The following SYTL5 variants were observed in gnomAD, a reference collection of about 807,000 sequenced individuals.
SYTL5 encodes synaptotagmin-like protein 5.
Under a neutral mutation model 55.9 loss-of-function variants are expected in SYTL5, and 34 were observed. That is an observed-to-expected ratio of 0.61 (90% confidence interval 0.46 to 0.81). SYTL5 has a LOEUF of 0.81. SYTL5 is among the 30% of genes least tolerant of loss of function. SYTL5 has a pLI of 0.00. For missense variants in SYTL5, 637 were observed against 546.7 expected, an observed-to-expected ratio of 1.17 and a Z score of -1.65; for synonymous variants, 221 against 188.7, an observed-to-expected ratio of 1.17 and a Z score of -1.40.
the SYTL5 span, among the ~76,000 whole-genome samples, chrX:37,960,742 T>A: frequency 9.2e-6 from 1 of 109,124 alleles, no homozygotes; most frequent in Non-Finnish European, 1.9e-5. Context: ...TATTTTTTTT[T>A]CCTAGTCTGT....
chrX:38,037,826 ATAG>A (rs1935155547), intron 2 of SYTL5, among the ~76,000 whole-genome samples: 3 of 110,428 alleles, frequency 2.7e-5, no homozygotes, highest in Non-Finnish European at 5.7e-5. Flanking sequence ...AGATAGATAG[ATAG>A]ATAGATAAAA....
chrX:37,891,317 G>C, the SYTL5 span, among the ~76,000 whole-genome samples: 3 of 112,317 alleles, frequency 2.7e-5, no homozygotes, highest in Non-Finnish European at 5.6e-5. Flanking sequence ...ACTAAGTATG[G>C]ATACATGCTA....
At chrX:37,990,739 C>T in the SYTL5 span, 2 of 1,076,697 alleles carry the variant, frequency 1.9e-6, no homozygotes, top group Non-Finnish European at 2.4e-6. Flanking sequence ...GGGCCTGGAG[C>T]AGAGGGATAC....
chrX:38,079,127 A>G (rs2073285776), intron 6 of SYTL5, among the ~76,000 whole-genome samples: 1 of 111,611 alleles, frequency 9.0e-6, no homozygotes, highest in South Asian at 3.8e-4. Context: ...TCTTTTCTTA[A>G]CTTCCATCAT....
At chrX:38,124,785 G>A (rs1433328091) in intron 15 of SYTL5, among the ~76,000 whole-genome samples, 6 of 111,932 alleles carry the variant, frequency 5.4e-5, no homozygotes, top group Admixed American at 9.5e-5. Flanking sequence ...GGGAAGATGG[G>A]GAAATTATCC....
chrX:38,086,525 G>T (rs994583990), intron 6 of SYTL5, among the ~76,000 whole-genome samples: 2 of 112,101 alleles, frequency 1.8e-5, no homozygotes, highest in Admixed American at 9.4e-5. Flanking sequence ...TGAGATAAAT[G>T]TATCTCTTTC....
intron 1 of SYTL5, among the ~76,000 whole-genome samples, chrX:38,010,517 C>T (rs1411074140): frequency 3.6e-5 from 4 of 112,275 alleles, no homozygotes; most frequent in Non-Finnish European, 7.5e-5. Flanking sequence ...GTCTTTCAGA[C>T]ACATTTTCTT....
At chrX:37,979,558 A>G in the SYTL5 span, among the ~76,000 whole-genome samples, 1 of 97,758 alleles carries the variant, frequency 1.0e-5, no homozygotes, top group Admixed American at 1.2e-4. Context: ...CTGACTCTGG[A>G]ATTAAAGTAA....
At chrX:38,114,209 A>G (rs1937429103) in intron 13 of SYTL5, among the ~76,000 whole-genome samples, 2 of 111,439 alleles carry the variant, frequency 1.8e-5, no homozygotes, top group Non-Finnish European at 3.8e-5. Context: ...GTCCCTAAAC[A>G]TATTCTACAC....
chrX:38,037,325 C>T (rs1049835509), intron 2 of SYTL5, among the ~76,000 whole-genome samples: 3 of 111,726 alleles, frequency 2.7e-5, no homozygotes, highest in Admixed American at 9.5e-5. Flanking sequence ...TCCCTTACTC[C>T]CTTATAGATT....
At chrX:37,905,418 T>C in the SYTL5 span, among the ~76,000 whole-genome samples, 1 of 44,731 alleles carries the variant, frequency 2.2e-5, no homozygotes, top group Non-Finnish European at 3.8e-5. Context: ...ATGTGTCAGA[T>C]GGGCCATGGT....
intron 2 of SYTL5, among the ~76,000 whole-genome samples, chrX:38,036,519 A>G (rs1935112242): frequency 9.0e-6 from 1 of 111,640 alleles, no homozygotes; most frequent in Non-Finnish European, 1.9e-5. Context: ...TATAAATCCA[A>G]GAGATACTTT....
chrX:37,973,780 A>G, the SYTL5 span, among the ~76,000 whole-genome samples: 1,602 of 110,168 alleles, frequency 0.015, 32 homozygotes, highest in African/African-American at 0.05. Context: ...GATTACAGGC[A>G]CCCACCACCA....
chrX:37,930,784 C>T, the SYTL5 span, among the ~76,000 whole-genome samples: 1 of 112,304 alleles, frequency 8.9e-6, no homozygotes, highest in Non-Finnish European at 1.9e-5. Flanking sequence ...TCTCTCTCTA[C>T]TATAATGCTG....
chrX:38,055,155 A>C (rs966097547), intron 3 of SYTL5, among the ~76,000 whole-genome samples: 5 of 111,778 alleles, frequency 4.5e-5, no homozygotes, highest in African/African-American at 1.6e-4. Flanking sequence ...TATGGTTCTC[A>C]CATGTTCAGC....
At chrX:38,109,860 T>C (rs1044103577) in intron 12 of SYTL5, among the ~76,000 whole-genome samples, 1 of 111,651 alleles carries the variant, frequency 9.0e-6, no homozygotes, top group African/African-American at 3.3e-5. Context: ...GGCTGGACTT[T>C]ATAAAATTTG....
rs768331209 is a variant in SYTL5 at position 38,118,648 on chromosome X, A to G, written c.1597-1710A>G. Among the ~76,000 whole-genome samples, 10 of 111,620 alleles carry G rather than the reference A, an allele frequency of 9.0e-5. No individual in the cohort carries two copies. The South Asian group carries it at 3.8e-3, about 42-fold the overall frequency. ...AACTTTATATTTTGAGATGATTATAAATCTACATGCAGTTACAAGAAATAA... is the reference window on the plus strand; with the variant it reads ...AACTTTATATTTTGAGATGATTATAGATCTACATGCAGTTACAAGAAATAA... On this transcript the variant is annotated intron_variant, in intron 13 of 16. Transcript: ENST00000297875.
At chrX:38,075,969 A>G (rs1164003673) in intron 5 of SYTL5, among the ~76,000 whole-genome samples, 2 of 112,173 alleles carry the variant, frequency 1.8e-5, no homozygotes, top group African/African-American at 6.5e-5. Flanking sequence ...ATTTAGTGAA[A>G]TTGGAAGGTA....
At chrX:38,025,413 T>G (rs1934731583) in intron 1 of SYTL5, among the ~76,000 whole-genome samples, 1 of 112,169 alleles carries the variant, frequency 8.9e-6, no homozygotes, top group Non-Finnish European at 1.9e-5. Flanking sequence ...TAGATGCTTT[T>G]TAAACTTATG....
Sources: gnomAD v4.1 joint callset for allele counts (sites outside exome capture counted in the v4.1 genomes callset) on GRCh38, gnomAD v4.1.1 for gene constraint, MANE v1.5 for transcripts, NCBI Gene and HGNC (gene_info 2026-07-23, HGNC 2026-07-21) for gene names.